GPATCH2: variants seen among roughly 807,000 people sequenced by gnomAD.
The protein encoded by GPATCH2 is G-patch domain containing 2.
GPATCH2 carries 51 observed loss-of-function variants against 58.0 expected under a neutral mutation model. The observed-to-expected ratio is 0.88, with a 90% CI of 0.70 to 1.11. The LOEUF (loss-of-function observed/expected upper bound fraction) is 1.11. Among genes scored for constraint, GPATCH2 ranks in the 50% most tolerant of loss-of-function variants. The pLI, the probability that GPATCH2 is intolerant of heterozygous loss-of-function variation, is 0.00. For missense variants in GPATCH2, 625 were observed against 652.2 expected, an observed-to-expected ratio of 0.96 and a Z score of 0.45; for synonymous variants, 222 against 218.5, an observed-to-expected ratio of 1.02 and a Z score of -0.14.
chr1:217,535,128 G>T (rs138771438), intron 5 of GPATCH2, among the ~76,000 whole-genome samples: 5 of 152,186 alleles, frequency 3.3e-5, no homozygotes, highest in Non-Finnish European at 7.4e-5. Context: ...GCCCCAATCT[G>T]CTTTACCAAC....
At chr1:217,496,500 C>T (rs1003411210) in intron 7 of GPATCH2, among the ~76,000 whole-genome samples, 1 of 152,054 alleles carries the variant, frequency 6.6e-6, no homozygotes, top group Admixed American at 6.6e-5. Context: ...TTGGTGACTT[C>T]GCTATTTAAA....
At chr1:217,494,278 C>T (rs994519218) in intron 7 of GPATCH2, among the ~76,000 whole-genome samples, 2 of 152,162 alleles carry the variant, frequency 1.3e-5, no homozygotes, top group African/African-American at 4.8e-5. Context: ...CTTATCAGTA[C>T]AATTATACAT....
chr1:217,481,313 A>G (rs74846942), intron 8 of GPATCH2, among the ~76,000 whole-genome samples: 2,951 of 152,300 alleles, frequency 0.019, 100 homozygotes, highest in African/African-American at 0.066. Context: ...AAAGTAAAAC[A>G]AATTTTTAAA....
At chr1:217,580,819 T>C (rs1667042889) in intron 5 of GPATCH2, among the ~76,000 whole-genome samples, 1 of 41,072 alleles carries the variant, frequency 2.4e-5, no homozygotes, top group Non-Finnish European at 5.3e-5. Flanking sequence ...CCATCCTGGC[T>C]AACAAGGTGA....
At chr1:217,531,020 C>T (rs181489149) in intron 5 of GPATCH2, among the ~76,000 whole-genome samples, 2 of 151,704 alleles carry the variant, frequency 1.3e-5, no homozygotes, top group Non-Finnish European at 2.9e-5. Flanking sequence ...AGGGAACGCA[C>T]CTCCTCCCAA....
At chr1:217,504,674 G>A (rs1302446243) in intron 6 of GPATCH2, among the ~76,000 whole-genome samples, 1 of 152,086 alleles carries the variant, frequency 6.6e-6, no homozygotes, top group East Asian at 1.9e-4. Context: ...AGCAAGTACT[G>A]GAATCAGAAT....
At chr1:217,438,845 T>C (rs1658984955) in intron 9 of GPATCH2, among the ~76,000 whole-genome samples, 1 of 151,858 alleles carries the variant, frequency 6.6e-6, no homozygotes, top group South Asian at 2.1e-4. Flanking sequence ...GGCCAACACC[T>C]GTCTTCTCGC....
chr1:217,496,730 T>C (rs1571807365), intron 7 of GPATCH2, among the ~76,000 whole-genome samples: 1 of 152,162 alleles, frequency 6.6e-6, no homozygotes. Context: ...TATTGATCAG[T>C]TGATGAAGAT....
intron 1 of GPATCH2, among the ~76,000 whole-genome samples, chr1:217,622,359 G>C (rs1669229371): frequency 6.6e-6 from 1 of 152,176 alleles, no homozygotes; most frequent in Non-Finnish European, 1.5e-5. Flanking sequence ...TTGCGGTTTG[G>C]TTAATGTGAA....
At chr1:217,474,855 A>T (rs1222634124) in intron 8 of GPATCH2, among the ~76,000 whole-genome samples, 6 of 152,196 alleles carry the variant, frequency 3.9e-5, no homozygotes, top group Non-Finnish European at 8.8e-5. Context: ...GCAGTCACTC[A>T]TCCAAAAGGG....
intron 1 of GPATCH2, among the ~76,000 whole-genome samples, chr1:217,627,478 T>A (rs1263797292): frequency 1.3e-5 from 2 of 152,014 alleles, no homozygotes; most frequent in African/African-American, 4.8e-5. Flanking sequence ...TTAAAAAAAA[T>A]TAATGCTATG....
chr1:217,471,156 T>C (rs1190823330), intron 8 of GPATCH2, among the ~76,000 whole-genome samples: 1 of 152,038 alleles, frequency 6.6e-6, no homozygotes, highest in Non-Finnish European at 1.5e-5. Context: ...CTTTGAAATA[T>C]GACAAAAGAG....
chr1:217,544,258 G>A (rs114609359), intron 5 of GPATCH2, among the ~76,000 whole-genome samples: 3,609 of 152,236 alleles, frequency 0.024, 55 homozygotes, highest in Middle Eastern at 0.092. Flanking sequence ...GCCGGATGTG[G>A]TGGTACAAGC....
chr1:217,443,283 T>C (rs575377940), intron 9 of GPATCH2, among the ~76,000 whole-genome samples: 1 of 152,292 alleles, frequency 6.6e-6, no homozygotes, highest in Non-Finnish European at 1.5e-5. Context: ...TCATCCTCAC[T>C]CTTGGGTAAT....
intron 8 of GPATCH2, among the ~76,000 whole-genome samples, chr1:217,480,280 A>G (rs899849731): frequency 6.6e-6 from 1 of 152,118 alleles, no homozygotes; most frequent in Non-Finnish European, 1.5e-5. Context: ...AGGAGCTCAA[A>G]CAACTCTACA....
At chr1:217,552,066 C>T (rs955506851) in intron 5 of GPATCH2, among the ~76,000 whole-genome samples, 1 of 152,068 alleles carries the variant, frequency 6.6e-6, no homozygotes, top group African/African-American at 2.4e-5. Context: ...ACTAACATAA[C>T]TTCAAGTAGT....
rs1174695005 is a variant in GPATCH2, at chr1:217,427,780, T to G, written c.*3365A>C. On this transcript the variant is annotated 3_prime_UTR_variant, in exon 10 of 10. Coordinates refer to ENST00000366935, the MANE Select transcript of GPATCH2 (RefSeq NM_018040.5). ...GTACTGAATAGAAGCAATTGTCAGT[T>G]CAATTTACAAGAATGCCAATTCTCA... 6.6e-6 allele frequency: 1 copy of G among 152,174 alleles called. No individual in the cohort carries two copies. Among genetic ancestry groups the G allele is most frequent in the Non-Finnish European group, 1.5e-5 (1 of 68,004 alleles). The allele number at this position is 152,174 out of a possible 1,614,324, so 9.4% of individuals were successfully genotyped here.
intron 9 of GPATCH2, among the ~76,000 whole-genome samples, chr1:217,436,876 C>T (rs887643973): frequency 4.0e-4 from 61 of 152,114 alleles, no homozygotes; most frequent in African/African-American, 1.4e-3. Context: ...CCCTTTCAGC[C>T]GACTGAACAC....
At chr1:217,602,275 A>T (rs753428079) in intron 5 of GPATCH2, among the ~76,000 whole-genome samples, 6 of 152,248 alleles carry the variant, frequency 3.9e-5, no homozygotes, top group African/African-American at 7.2e-5. Flanking sequence ...CACTCCACAC[A>T]AGCATATCTT....
Sources: allele counts gnomAD v4.1 joint callset (sites outside exome capture counted in the v4.1 genomes callset), GRCh38; gene constraint gnomAD v4.1.1; transcripts MANE v1.5; gene names NCBI Gene and HGNC (gene_info 2026-07-23, HGNC 2026-07-21).